The following PRKG1 variants were observed in gnomAD, a reference collection of about 807,000 sequenced individuals.
The protein encoded by PRKG1 is protein kinase cGMP-dependent 1.
Under a neutral mutation model 88.1 loss-of-function variants are expected in PRKG1, and 35 were observed. The observed-to-expected ratio is 0.40, with a 90% CI of 0.30 to 0.53. The LOEUF (loss-of-function observed/expected upper bound fraction) is 0.53. Among genes scored for constraint, PRKG1 ranks in the 20% least tolerant of loss-of-function variants. The pLI is 0.59. For missense variants in PRKG1, 540 were observed against 839.8 expected, an observed-to-expected ratio of 0.64 and a Z score of 4.41; for synonymous variants, 303 against 292.5, an observed-to-expected ratio of 1.04 and a Z score of -0.37.
At chr10:51,112,909 A>G (rs1237791238) in intron 1 of PRKG1, among the ~76,000 whole-genome samples, 2 of 152,208 alleles carry the variant, frequency 1.3e-5, no homozygotes, top group Non-Finnish European at 2.9e-5. Context: ...TTAGCATATT[A>G]TGGTGCTATT....
intron 5 of PRKG1, among the ~76,000 whole-genome samples, chr10:51,975,798 A>T (rs890494036): frequency 6.6e-6 from 1 of 152,076 alleles, no homozygotes; most frequent in African/African-American, 2.4e-5. Context: ...TGACTTCATC[A>T]AAATAAACAC....
intron 3 of PRKG1, among the ~76,000 whole-genome samples, chr10:51,653,841 T>TACAGG (rs1351342677): frequency 2.6e-5 from 4 of 152,232 alleles, no homozygotes; most frequent in African/African-American, 7.2e-5. Flanking sequence ...GTGCTAGGAT[T>TACAGG]ACAGGCATGA....
At chr10:51,222,502 A>G (rs1473163883) in intron 2 of PRKG1, among the ~76,000 whole-genome samples, 3 of 152,172 alleles carry the variant, frequency 2.0e-5, no homozygotes, top group Non-Finnish European at 2.9e-5. Context: ...ATCTTTTCAT[A>G]GAAGTTCTGA....
intron 2 of PRKG1, among the ~76,000 whole-genome samples, chr10:51,282,937 G>A (rs929348427): frequency 3.9e-5 from 6 of 152,092 alleles, no homozygotes; most frequent in African/African-American, 1.4e-4. Flanking sequence ...TGAGGTTTGG[G>A]CTGACTAAAC....
At chr10:52,040,549 G>A (rs1221845629) in intron 5 of PRKG1, among the ~76,000 whole-genome samples, 2 of 152,114 alleles carry the variant, frequency 1.3e-5, no homozygotes, top group Non-Finnish European at 2.9e-5. Flanking sequence ...TTGGTGTTTT[G>A]TGGGCCTGCT....
chr10:52,193,561 AACAAAAAAAAAAAAC>A (rs1839425080), intron 9 of PRKG1, among the ~76,000 whole-genome samples: 2 of 30,240 alleles, frequency 6.6e-5, no homozygotes, highest in African/African-American at 1.3e-4. Context: ...AAAAAAAAAA[AACAAAAAAAAAAAAC>A]AAAAAAAAAA....
At chr10:51,963,269 G>A (rs1217965017) in intron 5 of PRKG1, among the ~76,000 whole-genome samples, 1 of 152,046 alleles carries the variant, frequency 6.6e-6, no homozygotes, top group African/African-American at 2.4e-5. Context: ...TCAAAAATAG[G>A]CAGTTGAATT....
intron 3 of PRKG1, among the ~76,000 whole-genome samples, chr10:51,714,589 G>A (rs1480366323): frequency 6.6e-6 from 1 of 152,182 alleles, no homozygotes; most frequent in Non-Finnish European, 1.5e-5. Context: ...GGAAGATGGA[G>A]GGATGTGGTA....
Position 52,160,158 on chromosome 10 carries a change from C to T in PRKG1, c.1002-1731C>T, listed in dbSNP as rs946718076. Among the ~76,000 whole-genome samples the T allele has an allele frequency of 2.3e-4, 35 of 151,746 alleles. 1 individual carries two copies. The highest frequency in any genetic ancestry group is 3.3e-4 in the Admixed American group (5 of 15,168). The stretch of plus-strand genomic sequence containing the variant: ...GAAATATTATACTTTATGTTGTGAA[C>T]GCGTCTAGCCTTAACATTCTCTAAA... On this transcript the variant is annotated intron_variant, in intron 8 of 17. Transcript: ENST00000373980.
At position 51,028,673 on chromosome 10, in the gene PRKG1, A is replaced by C. The variant is rs12220160; in HGVS notation, c.266+37029A>C. Among the ~76,000 whole-genome samples, 547 of 152,292 alleles carry C rather than the reference A, an allele frequency of 3.6e-3. 6 individuals are homozygous for C. In the East Asian group the frequency reaches 0.066, roughly 18 times the overall value. ...AGAATGAGAAAAATACCAGGAGTTCAAGCCAAGGATGGATTTAAGTTTGTT... is the reference window on the plus strand; with the variant it reads ...AGAATGAGAAAAATACCAGGAGTTCCAGCCAAGGATGGATTTAAGTTTGTT... On this transcript the variant is annotated intron_variant, in intron 1 of 17. Coordinates refer to the PRKG1 transcript ENST00000401604.
At chr10:51,631,298 T>C (rs987330435) in intron 3 of PRKG1, among the ~76,000 whole-genome samples, 50 of 152,256 alleles carry the variant, frequency 3.3e-4, no homozygotes, top group African/African-American at 1.2e-3. Flanking sequence ...AAACTCTGAC[T>C]GAGACAAATG....
chr10:51,226,169 A>G (rs1838688650), intron 2 of PRKG1, among the ~76,000 whole-genome samples: 1 of 152,114 alleles, frequency 6.6e-6, no homozygotes, highest in Non-Finnish European at 1.5e-5. Flanking sequence ...ACTCCACAGC[A>G]CTCTAGTCTG....
intron 6 of PRKG1, among the ~76,000 whole-genome samples, chr10:52,059,892 C>A (rs993944763): frequency 6.6e-6 from 1 of 151,716 alleles, no homozygotes; most frequent in African/African-American, 2.4e-5. Context: ...AGTATCTAGG[C>A]ATATCTATAA....
chr10:51,390,525 A>G (rs988788444), intron 2 of PRKG1, among the ~76,000 whole-genome samples: 2 of 152,258 alleles, frequency 1.3e-5, no homozygotes, highest in Non-Finnish European at 2.9e-5. Flanking sequence ...AGCTTTGAAG[A>G]TAACACGAGT....
rs767572114 is a variant in PRKG1, at chr10:52,297,487, T to A, written c.*3587T>A. 3.3e-5 allele frequency: 5 copies of A among 152,184 alleles called. No homozygotes were observed. Among genetic ancestry groups the A allele is most frequent in the Non-Finnish European group, 7.4e-5 (5 of 68,022 alleles). 9.4% of individuals were successfully genotyped at this position (152,184 alleles called of 1,614,324 possible). A position where few individuals can be genotyped will look rare whatever the true frequency, so the allele number is the denominator to read the frequency against. Reference sequence around the variant, plus strand: ...TACAGTTCTTTCTGCTAACAATTTATAAGCCTTTATTATATAATATTGATG... The same window carrying A: ...TACAGTTCTTTCTGCTAACAATTTAAAAGCCTTTATTATATAATATTGATG... On this transcript the variant is annotated 3_prime_UTR_variant, in exon 18 of 18. Coordinates refer to ENST00000373980, the MANE Select transcript of PRKG1 (RefSeq NM_006258.4).
intron 3 of PRKG1, among the ~76,000 whole-genome samples, chr10:51,719,306 C>T (rs180976207): frequency 6.6e-6 from 1 of 152,170 alleles, no homozygotes; most frequent in Non-Finnish European, 1.5e-5. Context: ...AAAGCAGTAA[C>T]TTTATAATGG....
At chr10:51,867,587 C>T (rs192936465) in intron 4 of PRKG1, among the ~76,000 whole-genome samples, 1 of 151,704 alleles carries the variant, frequency 6.6e-6, no homozygotes, top group Admixed American at 6.6e-5. Context: ...GTGGGGGAAG[C>T]AAGGGAAAAA....
At chr10:51,508,473 T>C (rs1396129620) in intron 3 of PRKG1, among the ~76,000 whole-genome samples, 1 of 152,138 alleles carries the variant, frequency 6.6e-6, no homozygotes, top group Non-Finnish European at 1.5e-5. Context: ...TTAATTTTAA[T>C]GGCATAGATA....
chr10:51,474,842 T>A (rs1487397696), intron 3 of PRKG1, among the ~76,000 whole-genome samples: 1 of 151,984 alleles, frequency 6.6e-6, no homozygotes, highest in African/African-American at 2.4e-5. Flanking sequence ...ACCTTAGCAC[T>A]TCGTTGGTGA....
Sources: gnomAD v4.1 joint callset for allele counts (sites outside exome capture counted in the v4.1 genomes callset) on GRCh38, gnomAD v4.1.1 for gene constraint, MANE v1.5 for transcripts, NCBI Gene and HGNC (gene_info 2026-07-23, HGNC 2026-07-21) for gene names.